Variants in ARHGAP26 observed in about 807,000 individuals in gnomAD.
ARHGAP26 encodes the protein Rho GTPase activating protein 26, also known as rho GTPase-activating protein 26.
Under a neutral mutation model 104.8 loss-of-function variants are expected in ARHGAP26, and 38 were observed. That is an observed-to-expected ratio of 0.36 (90% CI 0.28 to 0.48). The LOEUF (loss-of-function observed/expected upper bound fraction) is 0.48, where lower values mean the gene tolerates loss of function less well. ARHGAP26 is among the 20% of genes least tolerant of loss of function. The probability of loss-of-function intolerance (pLI) is 0.99; values close to 1 mark genes in which losing one functional copy is unlikely to be tolerated. For missense variants in ARHGAP26, 704 were observed against 947.9 expected (o/e 0.74, Z 3.38); for synonymous variants, 341 against 340.0 (o/e 1.00, Z -0.03).
At chr5:142,885,540 C>T in intron 5 of ARHGAP26, 141 bp downstream of exon 5, 1 of 648,406 alleles carries the variant, frequency 1.5e-6, no homozygotes, top group African/African-American at 1.8e-5. Flanking sequence ...ATCCCTCATC[C>T]AGTGCCTGAT....
rs761326909 is a variant in ARHGAP26, at chr5:142,921,327, A to G, written c.1028+8034A>G. Among the ~76,000 whole-genome samples the G allele has an allele frequency of 6.0e-4, 92 of 152,330 alleles. 1 individual carries two copies. Among genetic ancestry groups the G allele is most frequent in the Middle Eastern group, 3.4e-3 (1 of 294 alleles). ...GCTTCCAGAGGCAGAAGAACATTTT[A>G]TGCAGCTTTTAATACAGTAATATGT... On this transcript the variant is annotated intron_variant, in intron 10 of 22. Coordinates refer to ENST00000645722, the MANE Select transcript of ARHGAP26 (RefSeq NM_001135608.3).
intron 1 of ARHGAP26, chr5:142,771,362 C>G: frequency 1.6e-6 from 2 of 1,232,108 alleles, no homozygotes; most frequent in East Asian, 3.2e-5. Flanking sequence ...GGCGCTGCCT[C>G]CCCTTGGGAA....
chr5:143,108,954 G>A (rs1464033293), intron 17 of ARHGAP26, among the ~76,000 whole-genome samples: 1 of 152,256 alleles, frequency 6.6e-6, no homozygotes, highest in African/African-American at 2.4e-5. Context: ...ACATGGCTAA[G>A]GGCCAGTCCC....
chr5:143,115,158 C>A (rs953866821), intron 17 of ARHGAP26, among the ~76,000 whole-genome samples: 1 of 151,972 alleles, frequency 6.6e-6, no homozygotes, highest in African/African-American at 2.4e-5. Flanking sequence ...TATGATGAAA[C>A]CCCGTCTCTG....
chr5:142,805,679 G>A (rs1374863496), intron 1 of ARHGAP26, among the ~76,000 whole-genome samples: 5 of 152,180 alleles, frequency 3.3e-5, no homozygotes, highest in Non-Finnish European at 7.3e-5. Context: ...GCTGTAACCT[G>A]GAATGAAGTA....
intron 11 of ARHGAP26, among the ~76,000 whole-genome samples, chr5:142,990,986 A>G (rs960667823): frequency 2.0e-5 from 3 of 152,102 alleles, no homozygotes; most frequent in African/African-American, 7.2e-5. Flanking sequence ...ACTCTCTTCA[A>G]AGCTGTCAGA....
At chr5:143,085,794 G>A (rs1260806770) in intron 17 of ARHGAP26, among the ~76,000 whole-genome samples, 1 of 152,168 alleles carries the variant, frequency 6.6e-6, no homozygotes, top group Non-Finnish European at 1.5e-5. Context: ...GTGGGTACGA[G>A]GAAGGAAACA....
At chr5:142,890,151 AATATATATAT>A (rs752591382) in intron 5 of ARHGAP26, among the ~76,000 whole-genome samples, 122 of 32,326 alleles carry the variant, frequency 3.8e-3, no homozygotes, top group East Asian at 1.0e-2. Context: ...AAAAAAAAAA[AATATATATAT>A]ATATATATAT....
intron 11 of ARHGAP26, among the ~76,000 whole-genome samples, chr5:143,002,480 T>G (rs1777327220): frequency 6.6e-6 from 1 of 152,140 alleles, no homozygotes; most frequent in South Asian, 2.1e-4. Flanking sequence ...GTCTCTCCTC[T>G]CACCATGAAA....
At chr5:143,034,242 C>T (rs1782299960) in intron 12 of ARHGAP26, among the ~76,000 whole-genome samples, 1 of 152,106 alleles carries the variant, frequency 6.6e-6, no homozygotes, top group South Asian at 2.1e-4. Flanking sequence ...GATGCCACTC[C>T]TAGGTGTATA....
intron 10 of ARHGAP26, among the ~76,000 whole-genome samples, chr5:142,929,730 T>C (rs3776398): frequency 0.14 from 20,993 of 152,152 alleles, 3,929 homozygotes; most frequent in African/African-American, 0.42. Context: ...CTCTGTGGCT[T>C]GGGGTGGAAA....
At chr5:142,843,973 T>C (rs55774021) in intron 1 of ARHGAP26, among the ~76,000 whole-genome samples, 2,487 of 152,170 alleles carry the variant, frequency 0.016, 30 homozygotes, top group Non-Finnish European at 0.023. Flanking sequence ...ACTGTCTCCT[T>C]CCATTGTTGT....
chr5:142,819,965 A>G (rs1765799765), intron 1 of ARHGAP26, among the ~76,000 whole-genome samples: 1 of 152,176 alleles, frequency 6.6e-6, no homozygotes, highest in Non-Finnish European at 1.5e-5. Flanking sequence ...GAAGTTGTAG[A>G]CAACATTTTG....
At chr5:142,955,197 G>A (rs1769047615) in intron 11 of ARHGAP26, among the ~76,000 whole-genome samples, 1 of 152,114 alleles carries the variant, frequency 6.6e-6, no homozygotes, top group African/African-American at 2.4e-5. Flanking sequence ...CTACTCCAGA[G>A]GCTGAGGTGG....
At chr5:143,060,446 A>C (rs10213741) in intron 17 of ARHGAP26, among the ~76,000 whole-genome samples, 6,731 of 152,172 alleles carry the variant, frequency 0.044, 451 homozygotes, top group African/African-American at 0.14. Context: ...GAGGGGAAAA[A>C]AAGTATTGGG....
chr5:142,809,493 A>G (rs1424248474), intron 1 of ARHGAP26, among the ~76,000 whole-genome samples: 1 of 152,126 alleles, frequency 6.6e-6, no homozygotes, highest in African/African-American at 2.4e-5. Flanking sequence ...TCCTGGAGAA[A>G]GTCAAGATGG....
chr5:142,772,643 G>T, intron 1 of ARHGAP26: 1 of 457,344 alleles, frequency 2.2e-6, no homozygotes, highest in Non-Finnish European at 4.4e-6. Flanking sequence ...AGAAAACAGA[G>T]ACTGGGGGAA....
chr5:142,789,670 A>G (rs1021695963), intron 1 of ARHGAP26, among the ~76,000 whole-genome samples: 1 of 152,180 alleles, frequency 6.6e-6, no homozygotes. Context: ...CTGGTCATGA[A>G]TTATTTCCGT....
chr5:143,150,924 C>T lies in ARHGAP26; in HGVS notation c.1988+3543C>T, dbSNP rs1599249842. Reference sequence around the variant, plus strand: ...CTGTGAGATAAAAACTTAAGTTGGACTGTGTTTAAACTAAAAACTTCTGCT... The same window carrying T: ...CTGTGAGATAAAAACTTAAGTTGGATTGTGTTTAAACTAAAAACTTCTGCT... On this transcript the variant is annotated intron_variant, in intron 20 of 22. Coordinates refer to ENST00000645722, the MANE Select transcript of ARHGAP26 (RefSeq NM_001135608.3). 2.0e-5 allele frequency among the ~76,000 whole-genome samples: 3 copies of T among 152,166 alleles called. No homozygotes were observed. In the South Asian group the frequency reaches 6.2e-4, roughly 31 times the overall value.
Sources: allele counts gnomAD v4.1 joint callset (sites outside exome capture counted in the v4.1 genomes callset), GRCh38; gene constraint gnomAD v4.1.1; transcripts MANE v1.5; gene names NCBI Gene and HGNC (gene_info 2026-07-23, HGNC 2026-07-21).